Variants in DYDC1 observed in about 807,000 individuals in gnomAD.
The protein encoded by DYDC1 is DPY30 domain containing 1.
In DYDC1, 21 loss-of-function variants were observed where a neutral mutation model predicts 27.9. That is an observed-to-expected ratio of 0.75 (90% CI 0.53 to 1.08). DYDC1 has a LOEUF of 1.08. Among genes scored for constraint, DYDC1 ranks in the 50% least tolerant of loss-of-function variants. The pLI is 0.00. For missense variants in DYDC1, 202 were observed against 205.9 expected, an observed-to-expected ratio of 0.98 and a Z score of 0.12; for synonymous variants, 67 against 65.8, an observed-to-expected ratio of 1.02 and a Z score of -0.09.
rs186818628 is a variant in DYDC1, at chr10:80,348,845, T to A, written c.249+3056A>T. On this transcript the variant is annotated intron_variant, in intron 3 of 6. Coordinates refer to ENST00000372202, the MANE Select transcript of DYDC1 (RefSeq NM_001269053.2). ...TGACAGTAACTATGTAAAAAGACATTTTCAAGGATGAAATGCATAAAACCT... is the reference window on the plus strand; with the variant it reads ...TGACAGTAACTATGTAAAAAGACATATTCAAGGATGAAATGCATAAAACCT... Among the ~76,000 whole-genome samples, 769 of 152,328 alleles carry A rather than the reference T, an allele frequency of 5.0e-3. 7 individuals carry two copies. Among genetic ancestry groups the A allele is most frequent in the African/African-American group, 0.018 (740 of 41,564 alleles).
At chr10:80,341,402 C>T (rs1194946473) in intron 4 of DYDC1, among the ~76,000 whole-genome samples, 2 of 134,232 alleles carry the variant, frequency 1.5e-5, no homozygotes, top group Admixed American at 7.8e-5. Context: ...GAGATCACGC[C>T]ACTGCACTCC....
intron 3 of DYDC1, among the ~76,000 whole-genome samples, chr10:80,349,415 A>G (rs1444318333): frequency 6.6e-6 from 1 of 152,216 alleles, no homozygotes; most frequent in African/African-American, 2.4e-5. Context: ...TAATGCCTTC[A>G]TAATATCATC....
At chr10:80,342,610 AC>A (rs1842373063) in intron 3 of DYDC1, among the ~76,000 whole-genome samples, 1 of 152,258 alleles carries the variant, frequency 6.6e-6, no homozygotes, top group Non-Finnish European at 1.5e-5. Flanking sequence ...TGAGATTGCA[AC>A]AATTTTCCAG....
At position 80,344,997 on chromosome 10, in the gene DYDC1, T is replaced by C. The variant is rs1308134034; in HGVS notation, c.250-2636A>G. 2.0e-5 allele frequency among the ~76,000 whole-genome samples: 3 copies of C among 152,142 alleles called. No individual in the cohort carries two copies. The East Asian group carries it at 5.8e-4, about 29-fold the overall frequency. On this transcript the variant is annotated intron_variant, in intron 3 of 6. Transcript: ENST00000372202. ...TGCTAAGATGTGTCATAGCTGACAG[T>C]GATAAAAATACATGTGGAATAGAAA... is the stretch of plus-strand genomic sequence containing the variant.
Position 80,352,592 on chromosome 10 carries a change from T to G in DYDC1, c.10A>C (p.Ile4Leu), listed in dbSNP as rs1333793745. 1 of 1,601,338 alleles carries G rather than the reference T, an allele frequency of 6.2e-7. No homozygotes were observed. Among genetic ancestry groups the G allele is most frequent in the Admixed American group, 1.8e-5 (1 of 56,038 alleles). The change falls in exon 2 of 7, where the codon ATA becomes CTA. Residue 4 changes from isoleucine (I) to leucine (L), a missense_variant. By Grantham distance (5) the Ile-to-Leu change is conservative. Transcript: ENST00000372202. MESIYLQKHLGACL... is the reference protein window; with the variant it reads MESLYLQKHLGACL... The stretch of plus-strand genomic sequence containing the variant: ...GCCCCAAGGTGCTTTTGAAGATATA[T>G]TGACTCCATTTCTAACTCCTAAAAA...
chr10:80,347,239 T>C (rs1842702916), intron 3 of DYDC1, among the ~76,000 whole-genome samples: 1 of 150,182 alleles, frequency 6.7e-6, no homozygotes, highest in Non-Finnish European at 1.5e-5. Context: ...TGGAGAAATG[T>C]CTATTTAGGT....
intron 6 of DYDC1, chr10:80,337,150 G>T (rs1229451708): frequency 1.0e-6 from 1 of 985,256 alleles, no homozygotes; most frequent in African/African-American, 1.7e-5. Flanking sequence ...TTTCCTCTGG[G>T]CTCATCTCAG....
intron 1 of DYDC1, among the ~76,000 whole-genome samples, chr10:80,354,813 T>A (rs1843255652): frequency 6.6e-6 from 1 of 152,188 alleles, no homozygotes; most frequent in South Asian, 2.1e-4. Flanking sequence ...AATGCCTTGA[T>A]TTTAGACTTC....
At chr10:80,347,364 A>T (rs1300381451) in intron 3 of DYDC1, among the ~76,000 whole-genome samples, 1 of 135,014 alleles carries the variant, frequency 7.4e-6, no homozygotes, top group Non-Finnish European at 1.5e-5. Context: ...AGACCTTATC[A>T]GATATATGGT....
chr10:80,343,404 A>G (rs1008819924), intron 3 of DYDC1, among the ~76,000 whole-genome samples: 2 of 152,186 alleles, frequency 1.3e-5, no homozygotes, highest in African/African-American at 2.4e-5. Flanking sequence ...CCGCAGTAAC[A>G]TCATTGTAAC....
In DYDC1 at chr10:80,337,143, C is replaced by T. The variant is rs72815323; in HGVS notation, c.505-958G>A. The T allele has an allele frequency of 5.6e-3, 5,478 of 985,444 alleles. 19 individuals are homozygous for T. The highest frequency in any genetic ancestry group is 6.1e-3 in the Non-Finnish European group (5,091 of 829,928). The allele number at this position is 985,444 out of a possible 1,614,324, so 61.0% of individuals were successfully genotyped here. A position where few individuals can be genotyped will look rare whatever the true frequency, so the allele number is the denominator to read the frequency against. On this transcript the variant is annotated intron_variant, in intron 6 of 6. Coordinates refer to ENST00000372202, the MANE Select transcript of DYDC1 (RefSeq NM_001269053.2). ...CTTGAAAGCATTTTGCTGTCTCTTT[C>T]CTCTGGGCTCATCTCAGGCTAATTC... is the stretch of plus-strand genomic sequence containing the variant.
rs1054983573 is a variant in DYDC1, at chr10:80,356,705, C to G, written c.-10+7G>C. 21 of 983,682 alleles carry G rather than the reference C, an allele frequency of 2.1e-5. No homozygotes were observed. Among genetic ancestry groups the G allele is most frequent in the Non-Finnish European group, 2.4e-5 (20 of 828,442 alleles). 60.9% of individuals were successfully genotyped at this position (983,682 alleles called of 1,614,324 possible). A position where few individuals can be genotyped will look rare whatever the true frequency, so the allele number is the denominator to read the frequency against. Reference sequence around the variant, plus strand: ...AAAAACAGTTCGGGCCTTTCCGGTGCGCTCACCCCTACACACGCGCCTGCT... The same window carrying G: ...AAAAACAGTTCGGGCCTTTCCGGTGGGCTCACCCCTACACACGCGCCTGCT... On this transcript the variant is annotated splice_region_variant and intron_variant, in intron 1 of 6. Coordinates refer to ENST00000372202, the MANE Select transcript of DYDC1 (RefSeq NM_001269053.2).
chr10:80,337,423 C>G (rs1842170675), intron 6 of DYDC1: 2 of 985,448 alleles, frequency 2.0e-6, no homozygotes, highest in Non-Finnish European at 1.2e-6. Context: ...TTACTTCAGG[C>G]CATCGACATC....
At chr10:80,336,440 G>A (rs1227918139) in intron 6 of DYDC1, 3 of 779,418 alleles carry the variant, frequency 3.8e-6, no homozygotes, top group Non-Finnish European at 4.7e-6. Context: ...TCTTCCTGTG[G>A]CCATCCCTTC....
intron 1 of DYDC1, among the ~76,000 whole-genome samples, chr10:80,353,939 C>A (rs1465288844): frequency 6.6e-6 from 1 of 151,918 alleles, no homozygotes; most frequent in Admixed American, 6.6e-5. Context: ...CTATGTGAAA[C>A]CCAGTCTCTA....
At chr10:80,342,020 G>A (rs1237321187) in intron 4 of DYDC1, among the ~76,000 whole-genome samples, 6 of 67,446 alleles carry the variant, frequency 8.9e-5, no homozygotes, top group Admixed American at 1.9e-4. Flanking sequence ...ATGAGACTCC[G>A]TCTCAAAAAA....
At chr10:80,353,296 T>C (rs1843114058) in intron 1 of DYDC1, among the ~76,000 whole-genome samples, 1 of 151,928 alleles carries the variant, frequency 6.6e-6, no homozygotes, top group South Asian at 2.1e-4. Context: ...CAGCACACCC[T>C]GGGCTCTAAT....
At chr10:80,341,442 CAAAA>C (rs58419721) in intron 4 of DYDC1, among the ~76,000 whole-genome samples, 2 of 46,800 alleles carry the variant, frequency 4.3e-5, no homozygotes, top group African/African-American at 8.4e-5. Context: ...GACTCTGTCT[CAAAA>C]AAAAAAAAAA....
chr10:80,342,911 G>T (rs1322276197), intron 3 of DYDC1, among the ~76,000 whole-genome samples: 3 of 150,704 alleles, frequency 2.0e-5, no homozygotes, highest in African/African-American at 7.4e-5. Flanking sequence ...AACCTGGGAG[G>T]TGGAGGTTGC....
Sources: allele counts gnomAD v4.1 joint callset (sites outside exome capture counted in the v4.1 genomes callset), GRCh38; gene constraint gnomAD v4.1.1; transcripts MANE v1.5; gene names NCBI Gene and HGNC (gene_info 2026-07-23, HGNC 2026-07-21).